KLHL35: variants seen among roughly 807,000 people sequenced by gnomAD.
KLHL35 encodes the protein kelch like family member 35.
Under a neutral mutation model 44.0 loss-of-function variants are expected in KLHL35, and 50 were observed. The ratio of observed to expected loss-of-function variants is 1.14; its 90% CI spans 0.91 to 1.44. The LOEUF is 1.44. Among genes scored for constraint, KLHL35 ranks in the 40% most tolerant of loss-of-function variants. The pLI, the probability that KLHL35 is intolerant of heterozygous loss-of-function variation, is 0.00. For missense variants in KLHL35, 1,049 were observed against 887.8 expected (o/e 1.18, Z -2.31); for synonymous variants, 470 against 410.4 (o/e 1.15, Z -1.76).
chr11:75,429,647 A>G (rs368584121), intron 2 of KLHL35, 102 bp downstream of exon 2: 7 of 1,300,960 alleles, frequency 5.4e-6, no homozygotes, highest in Non-Finnish European at 7.0e-6. Flanking sequence ...GAATGACTGA[A>G]TATCATCAAG....
At chr11:75,423,023 C>T (rs1948463758) in intron 6 of KLHL35, 2 of 511,210 alleles carry the variant, frequency 3.9e-6, no homozygotes, top group Non-Finnish European at 7.0e-6. Context: ...ACTAAAGTGC[C>T]TTCTTCACAG....
intron 5 of KLHL35, 121 bp from the exon 6 acceptor site, chr11:75,424,001 C>T: frequency 1.3e-6 from 1 of 753,412 alleles, no homozygotes; most frequent in Non-Finnish European, 2.1e-6. Context: ...TGCCAGTGTC[C>T]ACCAGGCCTG....
At position 75,430,607 on chromosome 11, in the gene KLHL35, T is replaced by G. The variant is rs1592040507; in HGVS notation, c.23A>C (p.Glu8Ala). The G allele has an allele frequency of 4.3e-6, 6 of 1,407,038 alleles. No individual in the cohort carries two copies. The highest frequency in any genetic ancestry group is 5.5e-6 in the Non-Finnish European group (6 of 1,084,194). 87.2% of individuals were successfully genotyped at this position (1,407,038 alleles called of 1,614,324 possible). A position where few individuals can be genotyped will look rare whatever the true frequency, so the allele number is the denominator to read the frequency against. The change falls in exon 2 of 7, where the codon GAG becomes GCG. Residue 8 changes from glutamate to alanine, a missense_variant. By Grantham distance (107) the Glu-to-Ala change is moderately radical. Coordinates refer to ENST00000539798, the MANE Select transcript of KLHL35 (RefSeq NM_001039548.3). MRQGHAP[E>A]ESEPGCEAPC... The stretch of plus-strand genomic sequence containing the variant: ...CGCTTCGCAGCCCGGCTCCGACTCC[T>G]CCGGCGCATGGCCTTGCCGCATCCT...
At chr11:75,428,857 A>G (rs1233167052) in intron 2 of KLHL35, among the ~76,000 whole-genome samples, 2 of 151,862 alleles carry the variant, frequency 1.3e-5, no homozygotes, top group African/African-American at 4.8e-5. Flanking sequence ...CCTCTAAACT[A>G]CAGAAAAAAA....
In KLHL35 at chr11:75,422,715, C is replaced by A; in HGVS notation, c.1617G>T (p.Arg539=). The A allele has an allele frequency of 6.2e-7, 1 of 1,614,024 alleles. No individual in the cohort carries two copies. The highest frequency in any genetic ancestry group is 8.5e-7 in the Non-Finnish European group (1 of 1,179,892). ...CDGKVHILGG[R]DDRGESTDKV... is the part of the protein sequence containing the mutation. Reference sequence around the variant, plus strand: ...TATCGGTGCTTTCTCCGCGATCATCCCGCCCGCCAAGGATGTGGACCTTCC... The same window carrying A: ...TATCGGTGCTTTCTCCGCGATCATCACGCCCGCCAAGGATGTGGACCTTCC... The change falls in exon 7 of 7, where the codon CGG becomes CGT. Residue 539 remains arginine (R), a synonymous_variant. Coordinates refer to ENST00000539798, the MANE Select transcript of KLHL35 (RefSeq NM_001039548.3).
chr11:75,422,941 T>C (rs561297001), intron 6 of KLHL35, 173 bp from the exon 7 acceptor site: 8 of 617,402 alleles, frequency 1.3e-5, no homozygotes, highest in South Asian at 1.2e-4. Context: ...TTGACCCTTA[T>C]TCAGTGAATG....
chr11:75,430,764 T>G, intron 1 of KLHL35, 134 bp from the exon 2 acceptor site: 1 of 777,476 alleles, frequency 1.3e-6, no homozygotes, highest in Non-Finnish European at 1.8e-6. Flanking sequence ...GCATCCAGGT[T>G]CCTTACGGCT....
intron 2 of KLHL35, 134 bp downstream of exon 2, chr11:75,429,615 C>T: frequency 4.3e-6 from 5 of 1,167,054 alleles, no homozygotes; most frequent in Non-Finnish European, 4.5e-6. Flanking sequence ...ATTATGGGCA[C>T]CGAGCCTCTA....
In KLHL35 at chr11:75,422,714, C is replaced by G; in HGVS notation, c.1618G>C (p.Asp540His). ...DGKVHILGGR[D>H]DRGESTDKVF... ...TTATCGGTGCTTTCTCCGCGATCAT[C>G]CCGCCCGCCAAGGATGTGGACCTTC... The change falls in exon 7 of 7, where the codon GAT becomes CAT. Residue 540 changes from aspartate to histidine, a missense_variant. Physicochemically the swap from Asp to His is moderately conservative, Grantham distance 81. Transcript: ENST00000539798. 1.2e-6 allele frequency: 2 copies of G among 1,614,036 alleles called. No homozygotes were observed. Among genetic ancestry groups the G allele is most frequent in the South Asian group, 2.2e-5 (2 of 91,084 alleles).
intron 6 of KLHL35, 68 bp from the exon 7 acceptor site, chr11:75,422,836 G>T: frequency 6.9e-7 from 1 of 1,454,450 alleles, no homozygotes; most frequent in Non-Finnish European, 9.5e-7. Flanking sequence ...TGCCTGGCCA[G>T]GCCAGATAAT....
chr11:75,425,701 G>C, intron 4 of KLHL35, 120 bp from the exon 5 acceptor site: 1 of 941,886 alleles, frequency 1.1e-6, no homozygotes, highest in Non-Finnish European at 1.5e-6. Flanking sequence ...CCCAGTTTCA[G>C]GACCAAACTG....
intron 6 of KLHL35, 82 bp downstream of exon 6, chr11:75,423,610 A>G: frequency 8.7e-7 from 1 of 1,155,676 alleles, no homozygotes; most frequent in Non-Finnish European, 1.3e-6. Flanking sequence ...ACCACCTAGG[A>G]TGGAGTCACA....
In KLHL35 at chr11:75,422,605, G is replaced by A; in HGVS notation, c.1727C>T (p.Thr576Ile). ...TCACCTGCCCAAGCTCTGGATGATG[G>A]TGACACAGCCGTGGGAGCTGGTGCA... is the stretch of plus-strand genomic sequence containing the variant. The part of the protein sequence containing the change: ...QRCTSSHGCV[T>I]IIQSLGR The change falls in exon 7 of 7, where the codon ACC (threonine) becomes ATC (isoleucine). Residue 576 changes from threonine to isoleucine, a missense_variant. Physicochemically the swap from Thr to Ile is moderately conservative, Grantham distance 89. Coordinates refer to ENST00000539798, the MANE Select transcript of KLHL35 (RefSeq NM_001039548.3). 6.2e-7 allele frequency: 1 copy of A among 1,613,524 alleles called. No individual in the cohort carries two copies. Among genetic ancestry groups the A allele is most frequent in the Non-Finnish European group, 8.5e-7 (1 of 1,179,582 alleles).
chr11:75,427,640 G>C (rs1178141193), intron 3 of KLHL35, among the ~76,000 whole-genome samples: 1 of 152,088 alleles, frequency 6.6e-6, no homozygotes, highest in Non-Finnish European at 1.5e-5. Context: ...ACAACATTAA[G>C]GTCAATCCAC....
In KLHL35 at chr11:75,429,698, G is replaced by C. The variant is rs558683713; in HGVS notation, c.881+51C>G. 6 of 1,405,628 alleles carry C rather than the reference G, an allele frequency of 4.3e-6. No homozygotes were observed. The East Asian group carries it at 1.8e-4, about 43-fold the overall frequency. The allele number at this position is 1,405,628 out of a possible 1,614,324, so 87.1% of individuals were successfully genotyped here. ...ATGATGAAAGAATGAATGAGCGGTG[G>C]AAGCAGGCGGGAAGAACGGAGGGCG... On this transcript the variant is annotated intron_variant, in intron 2 of 6. Coordinates refer to ENST00000539798, the MANE Select transcript of KLHL35 (RefSeq NM_001039548.3).
chr11:75,427,182 T>G (rs1461752706), intron 3 of KLHL35, among the ~76,000 whole-genome samples: 1 of 152,214 alleles, frequency 6.6e-6, no homozygotes, highest in Non-Finnish European at 1.5e-5. Flanking sequence ...AGATGAGACT[T>G]AGAGACCAAC....
At chr11:75,427,003 T>C (rs1445127727) in intron 3 of KLHL35, among the ~76,000 whole-genome samples, 1 of 152,154 alleles carries the variant, frequency 6.6e-6, no homozygotes, top group East Asian at 1.9e-4. Flanking sequence ...ATCTGGAATG[T>C]ACTGGGGATC....
rs1440889177 is a variant in KLHL35, at chr11:75,430,473, G to C, written c.157C>G (p.Pro53Ala). 1.4e-6 allele frequency: 2 copies of C among 1,401,878 alleles called. No individual in the cohort carries two copies. Among genetic ancestry groups the C allele is most frequent in the Non-Finnish European group, 1.8e-6 (2 of 1,081,606 alleles). 86.8% of individuals were successfully genotyped at this position (1,401,878 alleles called of 1,614,324 possible). Reference sequence around the variant, plus strand: ...GCGCTGAGCGCCGCGCGGTGGCACGGAAAGTCGCGCCCGCCGGCGCGCAGC... The same window carrying C: ...GCGCTGAGCGCCGCGCGGTGGCACGCAAAGTCGCGCCCGCCGGCGCGCAGC... ...VVLRAGGRDFPCHRAALSAGS... is the reference protein window; with the variant it reads ...VVLRAGGRDFACHRAALSAGS... Residue 53 changes from proline to alanine, a missense_variant, in exon 2 of 7, where the codon CCG (proline) becomes GCG (alanine). Pro to Ala is a conservative substitution (Grantham distance 27). Transcript: ENST00000539798.
intron 3 of KLHL35, among the ~76,000 whole-genome samples, chr11:75,427,135 T>C (rs995246232): frequency 1.3e-5 from 2 of 152,194 alleles, no homozygotes; most frequent in Non-Finnish European, 2.9e-5. Context: ...CCATGAGGTG[T>C]TGGGAATATT....
Sources: gnomAD v4.1 joint callset for allele counts (sites outside exome capture counted in the v4.1 genomes callset) on GRCh38, gnomAD v4.1.1 for gene constraint, MANE v1.5 for transcripts, NCBI Gene and HGNC (gene_info 2026-07-23, HGNC 2026-07-21) for gene names.